NHSL1: variants seen among roughly 807,000 people sequenced by gnomAD.
NHSL1 encodes the protein NHS like 1.
In NHSL1, 48 loss-of-function variants were observed where a neutral mutation model predicts 95.0. The ratio of observed to expected loss-of-function variants is 0.51; its 90% CI spans 0.40 to 0.64. NHSL1 has a LOEUF of 0.64. Ranked by LOEUF, NHSL1 falls within the 30% of genes least tolerant of loss-of-function variation. The probability of loss-of-function intolerance (pLI) is 0.00; values close to 1 mark genes in which losing one functional copy is unlikely to be tolerated. For missense variants in NHSL1, 1,971 were observed against 2,077.7 expected (o/e 0.95, Z 1.00); for synonymous variants, 783 against 833.9 (o/e 0.94, Z 1.05).
At chr6:138,489,216 C>T (rs1035095798) in intron 2 of NHSL1, among the ~76,000 whole-genome samples, 3 of 152,058 alleles carry the variant, frequency 2.0e-5, no homozygotes, top group African/African-American at 7.2e-5. Context: ...TAAAATGCAC[C>T]CCTCCCTCCA....
intron 1 of NHSL1, among the ~76,000 whole-genome samples, chr6:138,673,039 A>AGATAGATAGG (rs1785398115): frequency 3.9e-4 from 4 of 10,260 alleles, no homozygotes; most frequent in African/African-American, 5.5e-4. Flanking sequence ...AGGTAGATAG[A>AGATAGATAGG]TAGATAGATA....
At chr6:138,559,901 T>C (rs1404896158) in intron 1 of NHSL1, among the ~76,000 whole-genome samples, 2 of 152,192 alleles carry the variant, frequency 1.3e-5, no homozygotes, top group Non-Finnish European at 2.9e-5. Context: ...ATGCCATGTG[T>C]GGCATGGGAA....
chr6:138,526,268 A>G (rs1781902473), intron 1 of NHSL1, among the ~76,000 whole-genome samples: 1 of 152,014 alleles, frequency 6.6e-6, no homozygotes, highest in Non-Finnish European at 1.5e-5. Flanking sequence ...GGATCACTTG[A>G]GCTTAGGAGT....
intron 1 of NHSL1, among the ~76,000 whole-genome samples, chr6:138,518,596 G>GA (rs1459023178): frequency 1.3e-5 from 2 of 150,304 alleles, no homozygotes; most frequent in Admixed American, 6.6e-5. Context: ...ATTAAAGTTG[G>GA]AAAAAAACAA....
In NHSL1 at chr6:138,431,326, A is replaced by G. The variant is rs1775643699; in HGVS notation, c.3019T>C (p.Ser1007Pro). 1 of 1,520,160 alleles carries G rather than the reference A, an allele frequency of 6.6e-7. No homozygotes were observed. Among genetic ancestry groups the G allele is most frequent in the Non-Finnish European group, 8.8e-7 (1 of 1,130,968 alleles). 94.2% of individuals were successfully genotyped at this position (1,520,160 alleles called of 1,614,324 possible). ...LSPILPDSPV[S>P]LPLPPPLLPS... ...AAGAGAGGTGGGGGCAATGGCAAGG[A>G]CACAGGTGAATCTGGAAGAATGGGG... The change falls in exon 6 of 8, where the codon TCC becomes CCC. Residue 1007 changes from serine (S) to proline (P), a missense_variant. By Grantham distance (74) the Ser-to-Pro change is moderately conservative. This residue lies in a region of NHSL1 where 1,602 missense variants were observed against 1,654.5 expected (regional missense o/e 0.97). Coordinates refer to ENST00000343505, the MANE Select transcript of NHSL1 (RefSeq NM_001144060.2). The surrounding 1 kb of genome is among the most constrained non-coding windows in gnomAD (Gnocchi z 4.0).
intron 1 of NHSL1, among the ~76,000 whole-genome samples, chr6:138,628,034 C>G (rs1583456659): frequency 6.6e-6 from 1 of 151,946 alleles, no homozygotes. Context: ...TATATCCAGC[C>G]GGGCGAGGTG....
chr6:138,455,506 CACAT>C lies in NHSL1; in HGVS notation c.340-8317_340-8314del, dbSNP rs1214736750. Among the ~76,000 whole-genome samples, 171 of 75,306 alleles carry C rather than the reference CACAT, an allele frequency of 2.3e-3. 2 individuals carry two copies. Among genetic ancestry groups the C allele is most frequent in the Admixed American group, 7.6e-3 (54 of 7,128 alleles). 49.4% of individuals were successfully genotyped at this position (75,306 alleles called of 152,430 possible). A position where few individuals can be genotyped will look rare whatever the true frequency, so the allele number is the denominator to read the frequency against. On this transcript the variant is annotated intron_variant, in intron 3 of 7. Transcript: ENST00000343505. ...TGCTCCCTGCAAGGAGCCCCGCCTT[CACAT>C]GCTCCCTGCAAGGAGCCCCGCCTTC...
intron 5 of NHSL1, among the ~76,000 whole-genome samples, chr6:138,439,240 A>G (rs112356935): frequency 0.013 from 1,979 of 152,304 alleles, 38 homozygotes; most frequent in African/African-American, 0.045. Flanking sequence ...CTTGGGCAAC[A>G]TCTTTTGGAC....
chr6:138,594,295 A>T (rs746389908), intron 1 of NHSL1, among the ~76,000 whole-genome samples: 3 of 152,174 alleles, frequency 2.0e-5, no homozygotes, highest in African/African-American at 4.8e-5. Flanking sequence ...ACAAGGTGGG[A>T]GTATCTATTC....
At chr6:138,450,594 A>G (rs1016932107) in intron 3 of NHSL1, among the ~76,000 whole-genome samples, 1 of 152,172 alleles carries the variant, frequency 6.6e-6, no homozygotes, top group African/African-American at 2.4e-5. Context: ...GTCAGAATCG[A>G]TAACTCTCAT....
intron 1 of NHSL1, among the ~76,000 whole-genome samples, chr6:138,637,890 A>G (rs1784907616): frequency 6.6e-6 from 1 of 152,230 alleles, no homozygotes; most frequent in South Asian, 2.1e-4. Context: ...TACCCAAAAT[A>G]AAGGAAAATC....
intron 1 of NHSL1, among the ~76,000 whole-genome samples, chr6:138,527,191 T>C (rs1187009068): frequency 2.6e-5 from 4 of 152,110 alleles, no homozygotes; most frequent in Admixed American, 6.5e-5. Context: ...GGAGGCTGCA[T>C]TGGATTTTGT....
At chr6:138,433,842 T>G in intron 5 of NHSL1, among the ~76,000 whole-genome samples, 162 bp from the exon 6 acceptor site, 1 of 152,198 alleles carries the variant, frequency 6.6e-6, no homozygotes, top group East Asian at 1.9e-4. Flanking sequence ...TACTGATAGC[T>G]CTAAAATGAA....
chr6:138,611,870 G>A (rs943802863), intron 1 of NHSL1, among the ~76,000 whole-genome samples: 6 of 152,236 alleles, frequency 3.9e-5, no homozygotes, highest in East Asian at 3.9e-4. Flanking sequence ...AGCACTTTGC[G>A]AGGCCAAAGC....
At chr6:138,599,907 C>T (rs1784350134) in intron 1 of NHSL1, among the ~76,000 whole-genome samples, 1 of 152,008 alleles carries the variant, frequency 6.6e-6, no homozygotes, top group Non-Finnish European at 1.5e-5. Context: ...TTTGAGAGGC[C>T]GAGGCGGGTG....
chr6:138,505,981 T>C (rs1264749416), intron 1 of NHSL1, among the ~76,000 whole-genome samples: 1 of 152,218 alleles, frequency 6.6e-6, no homozygotes, highest in Non-Finnish European at 1.5e-5. Context: ...ATGGTTAAAA[T>C]ACTTCAAATA....
At chr6:138,542,760 T>G (rs1782631844) in intron 1 of NHSL1, among the ~76,000 whole-genome samples, 1 of 152,186 alleles carries the variant, frequency 6.6e-6, no homozygotes, top group Non-Finnish European at 1.5e-5. Flanking sequence ...TAATTTTTAT[T>G]TATTCTTTAA....
At chr6:138,661,767 C>A (rs543819395) in intron 1 of NHSL1, among the ~76,000 whole-genome samples, 2 of 152,178 alleles carry the variant, frequency 1.3e-5, no homozygotes, top group African/African-American at 4.8e-5. Context: ...GAAAAAGATT[C>A]TTTAATAATT....
At chr6:138,449,773 C>G (rs1362493905) in intron 3 of NHSL1, among the ~76,000 whole-genome samples, 1 of 150,270 alleles carries the variant, frequency 6.7e-6, no homozygotes, top group Non-Finnish European at 1.5e-5. Flanking sequence ...ACTTTTTTTT[C>G]TTTTACAAGG....
Sources: gnomAD v4.1 joint callset for allele counts (sites outside exome capture counted in the v4.1 genomes callset) on GRCh38, gnomAD v4.1.1 for gene constraint, gnomAD v4.1.1 regional missense constraint, Gnocchi (gnomAD v3.1) non-coding constraint, MANE v1.5 for transcripts, NCBI Gene and HGNC (gene_info 2026-07-23, HGNC 2026-07-21) for gene names.